EYS: variants seen among roughly 807,000 people sequenced by gnomAD.
EYS encodes EGF-like photoreceptor maintenance factor, also known as protein eyes shut homolog.
A neutral mutation model predicts 282.1 loss-of-function variants in EYS; 250 were observed. The ratio of observed to expected loss-of-function variants is 0.89; its 90% confidence interval spans 0.80 to 0.98. EYS has a LOEUF of 0.98. EYS is among the 50% of genes least tolerant of loss of function. The pLI is 0.00. For missense variants in EYS, 4,016 were observed against 3,709.0 expected, an observed-to-expected ratio of 1.08 and a Z score of -2.15; for synonymous variants, 1,355 against 1,282.9, an observed-to-expected ratio of 1.06 and a Z score of -1.20.
At chr6:64,093,687 A>G (rs1214462360) in intron 31 of EYS, among the ~76,000 whole-genome samples, 1 of 152,180 alleles carries the variant, frequency 6.6e-6, no homozygotes, top group African/African-American at 2.4e-5. Flanking sequence ...ATATACAATC[A>G]TGTCATCTGC....
chr6:65,453,595 C>A (rs1211058942), intron 5 of EYS, among the ~76,000 whole-genome samples: 1 of 151,888 alleles, frequency 6.6e-6, no homozygotes, highest in Admixed American at 6.6e-5. Context: ...ACCATAGTCA[C>A]CCTACTGTGA....
intron 29 of EYS, among the ~76,000 whole-genome samples, chr6:64,325,749 C>G (rs1056952464): frequency 6.6e-6 from 1 of 152,050 alleles, no homozygotes; most frequent in African/African-American, 2.4e-5. Context: ...ACTGGACACA[C>G]TTACAAAAAT....
intron 6 of EYS, among the ~76,000 whole-genome samples, chr6:65,403,526 T>C (rs1766598462): frequency 1.3e-5 from 2 of 151,964 alleles, no homozygotes; most frequent in Admixed American, 1.3e-4. Flanking sequence ...TCTCATTGAA[T>C]CCAATCAAAA....
chr6:64,006,170 G>T (rs748891124), intron 33 of EYS, among the ~76,000 whole-genome samples: 3 of 151,960 alleles, frequency 2.0e-5, no homozygotes, highest in African/African-American at 7.2e-5. Context: ...AATTCTCCTT[G>T]TAGGGATCTT....
At chr6:64,239,774 C>G (rs1425985630) in intron 30 of EYS, among the ~76,000 whole-genome samples, 1 of 152,064 alleles carries the variant, frequency 6.6e-6, no homozygotes, top group Non-Finnish European at 1.5e-5. Flanking sequence ...TCCTGTTTGT[C>G]TATTTTAGCT....
At chr6:64,347,304 GAT>G (rs1771445163) in intron 29 of EYS, among the ~76,000 whole-genome samples, 1 of 151,348 alleles carries the variant, frequency 6.6e-6, no homozygotes, top group South Asian at 2.1e-4. Context: ...AAACTAACTA[GAT>G]ATATGATATT....
At chr6:65,583,059 T>C (rs1415420703) in intron 2 of EYS, among the ~76,000 whole-genome samples, 1 of 152,046 alleles carries the variant, frequency 6.6e-6, no homozygotes, top group Non-Finnish European at 1.5e-5. Context: ...TTAAAAGTTA[T>C]TTTTAAATTT....
chr6:64,228,169 A>G (rs1025386380), intron 31 of EYS, among the ~76,000 whole-genome samples: 37 of 152,140 alleles, frequency 2.4e-4, no homozygotes, highest in African/African-American at 8.7e-4. Flanking sequence ...ATTTAGAGCA[A>G]TAGGTTGAAA....
At chr6:65,278,361 A>ATCTATATATATATAGAT (rs1352829417) in intron 12 of EYS, among the ~76,000 whole-genome samples, 1 of 127,082 alleles carries the variant, frequency 7.9e-6, no homozygotes, top group Non-Finnish European at 1.7e-5. Flanking sequence ...TATATATAGA[A>ATCTATATATATATAGAT]TATATATTAT....
intron 15 of EYS, among the ~76,000 whole-genome samples, chr6:64,929,920 C>T (rs948306441): frequency 9.2e-5 from 14 of 151,948 alleles, no homozygotes; most frequent in East Asian, 1.9e-4. Context: ...GCATAAGTTA[C>T]GGAAAATATC....
At chr6:64,628,892 T>C (rs891923826) in intron 22 of EYS, among the ~76,000 whole-genome samples, 2 of 152,226 alleles carry the variant, frequency 1.3e-5, no homozygotes, top group African/African-American at 2.4e-5. Flanking sequence ...TCATAGACTA[T>C]GTATCCAGTT....
chr6:64,839,958 T>C (rs1351624105), intron 19 of EYS, among the ~76,000 whole-genome samples: 1 of 151,952 alleles, frequency 6.6e-6, no homozygotes, highest in Non-Finnish European at 1.5e-5. Context: ...ACACATGAAT[T>C]TTGGGGGACA....
intron 21 of EYS, among the ~76,000 whole-genome samples, chr6:64,818,563 C>A (rs891320772): frequency 6.6e-6 from 1 of 152,166 alleles, no homozygotes; most frequent in Non-Finnish European, 1.5e-5. Context: ...ACAGTGCAGC[C>A]TTCCGTCTGT....
At chr6:63,866,593 A>G (rs923734066) in intron 35 of EYS, among the ~76,000 whole-genome samples, 7 of 152,176 alleles carry the variant, frequency 4.6e-5, no homozygotes, top group Non-Finnish European at 1.0e-4. Context: ...ATCAAGCCCC[A>G]TTTCCTCTTT....
chr6:63,812,446 C>T (rs550948111), intron 36 of EYS, among the ~76,000 whole-genome samples: 19 of 152,278 alleles, frequency 1.2e-4, no homozygotes, highest in African/African-American at 3.6e-4. Context: ...CTTCCCAACC[C>T]CGTACTCTCT....
At chr6:65,432,546 A>G (rs1424215897) in intron 5 of EYS, among the ~76,000 whole-genome samples, 1 of 152,096 alleles carries the variant, frequency 6.6e-6, no homozygotes, top group African/African-American at 2.4e-5. Flanking sequence ...ACTTTGCAGA[A>G]CAAGAAGGAG....
intron 1 of EYS, among the ~76,000 whole-genome samples, chr6:65,664,627 A>C (rs1020996384): frequency 3.3e-5 from 5 of 152,170 alleles, no homozygotes; most frequent in Non-Finnish European, 7.4e-5. Context: ...GCAGAGGAGA[A>C]GGATTCTCTG....
intron 2 of EYS, among the ~76,000 whole-genome samples, chr6:65,565,472 G>T (rs1464918606): frequency 6.6e-6 from 1 of 151,970 alleles, no homozygotes; most frequent in African/African-American, 2.4e-5. Context: ...GGATATGGAG[G>T]AATAGGAATG....
intron 31 of EYS, among the ~76,000 whole-genome samples, chr6:64,221,686 C>T (rs917000788): frequency 6.6e-6 from 1 of 152,110 alleles, no homozygotes; most frequent in African/African-American, 2.4e-5. Context: ...AAATAATTCA[C>T]ACATTTTAAA....
Sources: allele counts gnomAD v4.1 joint callset (sites outside exome capture counted in the v4.1 genomes callset), GRCh38; gene constraint gnomAD v4.1.1; transcripts MANE v1.5; gene names NCBI Gene and HGNC (gene_info 2026-07-23, HGNC 2026-07-21).